The following EIF2AK2 variants were observed in gnomAD, a reference collection of about 807,000 sequenced individuals.
EIF2AK2 encodes the protein interferon-induced, double-stranded RNA-activated protein kinase.
A neutral mutation model predicts 70.5 loss-of-function variants in EIF2AK2; 40 were observed. The ratio of observed to expected loss-of-function variants is 0.57; its 90% CI spans 0.44 to 0.74. EIF2AK2 has a LOEUF of 0.74. EIF2AK2 is among the 30% of genes least tolerant of loss of function. The pLI is 0.00. For missense variants in EIF2AK2, 555 were observed against 644.3 expected (o/e 0.86, Z 1.50); for synonymous variants, 198 against 220.9 (o/e 0.90, Z 0.92).
chr2:37,119,328 G>A (rs1674452377), intron 13 of EIF2AK2, among the ~76,000 whole-genome samples: 1 of 152,138 alleles, frequency 6.6e-6, no homozygotes, highest in Admixed American at 6.6e-5. Context: ...CCCAGTAGCT[G>A]TGACAGCCCT....
rs1003116037 is a variant in EIF2AK2, at chr2:37,122,363, C to T, written c.1067+143G>A. Reference sequence around the variant, plus strand: ...GAGATTTTCACTTTCTCCTTACCTTCGGAATGGAGAGATAACAGTGTCTCT... The same window carrying T: ...GAGATTTTCACTTTCTCCTTACCTTTGGAATGGAGAGATAACAGTGTCTCT... On this transcript the variant is annotated intron_variant, in intron 12 of 16. Transcript: ENST00000233057. 9 of 933,632 alleles carry T rather than the reference C, an allele frequency of 9.6e-6. No homozygotes were observed. In the African/African-American group the frequency reaches 1.0e-4, roughly 11 times the overall value. The allele number at this position is 933,632 out of a possible 1,614,324, so 57.8% of individuals were successfully genotyped here. A position where few individuals can be genotyped will look rare whatever the true frequency, so the allele number is the denominator to read the frequency against.
rs375878396 is a variant in EIF2AK2, at chr2:37,135,437, A to G, written c.785+47T>C. On this transcript the variant is annotated intron_variant, in intron 10 of 16. Transcript: ENST00000233057. ...TCACAGACAACTACCAAAAACATCC[A>G]CCGACAGCATTACCCCTTCTTCTTT... 40 of 1,500,652 alleles carry G rather than the reference A, an allele frequency of 2.7e-5. No homozygotes were observed. The South Asian group carries it at 4.8e-4, about 18-fold the overall frequency. 93.0% of individuals were successfully genotyped at this position (1,500,652 alleles called of 1,614,324 possible).
chr2:37,126,475 C>G lies in EIF2AK2; in HGVS notation c.786-64G>C, dbSNP rs1674734905. The G allele has an allele frequency of 3.8e-6, 6 of 1,560,038 alleles. No homozygotes were observed. The Admixed American group carries it at 8.5e-5, about 22-fold the overall frequency. ...CTCAACCCCCACCCCCCCGCCTCCCCACTCCTTTCCCTTTAATGTCACTTG... is the reference window on the plus strand; with the variant it reads ...CTCAACCCCCACCCCCCCGCCTCCCGACTCCTTTCCCTTTAATGTCACTTG... On this transcript the variant is annotated intron_variant, in intron 10 of 16. Transcript: ENST00000233057.
intron 14 of EIF2AK2, among the ~76,000 whole-genome samples, chr2:37,112,108 G>C (rs1029874521): frequency 6.6e-6 from 1 of 151,720 alleles, no homozygotes; most frequent in Non-Finnish European, 1.5e-5. Context: ...GTTTAGTGAT[G>C]TATGCCACTG....
At chr2:37,142,931 T>C (rs916182874) in intron 4 of EIF2AK2, among the ~76,000 whole-genome samples, 2 of 152,100 alleles carry the variant, frequency 1.3e-5, no homozygotes, top group Non-Finnish European at 2.9e-5. Flanking sequence ...AGTACTTTCA[T>C]AAGAATCAAT....
intron 9 of EIF2AK2, chr2:37,136,729 T>G (rs986597763): frequency 3.8e-6 from 1 of 263,420 alleles, no homozygotes; most frequent in Non-Finnish European, 7.3e-6. Context: ...CTTGCCAGTC[T>G]TGTACAAAAT....
intron 13 of EIF2AK2, among the ~76,000 whole-genome samples, chr2:37,116,645 T>A (rs1674352156): frequency 6.6e-6 from 1 of 152,138 alleles, no homozygotes; most frequent in South Asian, 2.1e-4. Flanking sequence ...GGATTAGAAT[T>A]CAATTAACAG....
At chr2:37,138,236 G>C (rs1675196811) in intron 8 of EIF2AK2, 34 bp downstream of exon 8, 1 of 1,500,554 alleles carries the variant, frequency 6.7e-7, no homozygotes, top group African/African-American at 1.4e-5. Flanking sequence ...AGAAAAATAA[G>C]ATTAAGTAGG....
chr2:37,122,688 T>C (rs971636273), intron 11 of EIF2AK2, 24 bp from the exon 12 acceptor site: 2 of 1,613,974 alleles, frequency 1.2e-6, no homozygotes, highest in Non-Finnish European at 1.7e-6. Flanking sequence ...ACAGGGAACA[T>C]GGCAGTGTCA....
At chr2:37,121,579 T>C (rs1674552145) in intron 12 of EIF2AK2, among the ~76,000 whole-genome samples, 1 of 149,404 alleles carries the variant, frequency 6.7e-6, no homozygotes, top group African/African-American at 2.4e-5. Flanking sequence ...CTAAGAGAAG[T>C]GCCAACAAAT....
chr2:37,148,318 T>C (rs957168032), intron 2 of EIF2AK2, among the ~76,000 whole-genome samples: 12 of 152,272 alleles, frequency 7.9e-5, no homozygotes, highest in African/African-American at 2.9e-4. Context: ...GAATGTTTTA[T>C]GTTGAGAAGA....
At chr2:37,153,845 T>C (rs898598838) in intron 1 of EIF2AK2, among the ~76,000 whole-genome samples, 1 of 152,204 alleles carries the variant, frequency 6.6e-6, no homozygotes, top group Non-Finnish European at 1.5e-5. Context: ...GGTATATAAG[T>C]GGAATTGAAT....
chr2:37,150,067 T>C (rs746455577), intron 1 of EIF2AK2, among the ~76,000 whole-genome samples: 3 of 151,372 alleles, frequency 2.0e-5, no homozygotes, highest in Non-Finnish European at 4.4e-5. Context: ...AGGAGCTTAG[T>C]GAAGGCAAAC....
At chr2:37,152,232 T>A (rs1218485703) in intron 1 of EIF2AK2, among the ~76,000 whole-genome samples, 1 of 152,242 alleles carries the variant, frequency 6.6e-6, no homozygotes, top group Non-Finnish European at 1.5e-5. Flanking sequence ...TGTAAACCTC[T>A]TAATTCTTCT....
In EIF2AK2 at chr2:37,114,737, T is replaced by C. The variant is rs1437121052; in HGVS notation, c.1371A>G (p.Pro457=). The C allele has an allele frequency of 2.5e-6, 4 of 1,582,190 alleles. No homozygotes were observed. The African/African-American group carries it at 4.1e-5, about 16-fold the overall frequency. Reference sequence around the variant, plus strand: ...GACAGGAAAGAGACCTTACCTGTTCTGGGCTCATGTATCGCAAAGTTCCCT... The same window carrying C: ...GACAGGAAAGAGACCTTACCTGTTCCGGGCTCATGTATCGCAAAGTTCCCT... ...RSKGTLRYMS[P]EQISSQDYGK... The change falls in exon 14 of 17, where the codon CCA becomes CCG. Residue 457 remains proline (P), a synonymous_variant. Transcript: ENST00000233057.
In EIF2AK2 at chr2:37,138,769, C is replaced by T. The variant is rs1235547787; in HGVS notation, c.517-184G>A. Among the ~76,000 whole-genome samples the T allele has an allele frequency of 2.0e-5, 3 of 152,002 alleles. No homozygotes were observed. In the South Asian group the frequency reaches 6.2e-4, roughly 31 times the overall value. ...GGATTTTATTTTATTTTTTATTTTA[C>T]TTTTCTGGATCACAGGGCAGATATT... On this transcript the variant is annotated intron_variant, in intron 6 of 16. Transcript: ENST00000233057.
At chr2:37,141,523 A>C (rs1675330454) in intron 5 of EIF2AK2, 30 bp downstream of exon 5, 1 of 1,602,068 alleles carries the variant, frequency 6.2e-7, no homozygotes, top group East Asian at 2.2e-5. Flanking sequence ...AATACAATGA[A>C]ACAGAAAGAA....
chr2:37,123,977 C>CTTTTTTTT, intron 11 of EIF2AK2, among the ~76,000 whole-genome samples: 1 of 147,552 alleles, frequency 6.8e-6, no homozygotes, highest in Admixed American at 6.8e-5. Context: ...TAGATTCTTC[C>CTTTTTTTT]TTTTTTTTTT....
intron 1 of EIF2AK2, among the ~76,000 whole-genome samples, chr2:37,151,960 C>G (rs935014236): frequency 4.6e-5 from 7 of 152,132 alleles, no homozygotes; most frequent in Admixed American, 3.3e-4. Context: ...CAGCTACTCG[C>G]GAGGCTGAGG....
Sources: gnomAD v4.1 joint callset for allele counts (sites outside exome capture counted in the v4.1 genomes callset) on GRCh38, gnomAD v4.1.1 for gene constraint, MANE v1.5 for transcripts, NCBI Gene and HGNC (gene_info 2026-07-23, HGNC 2026-07-21) for gene names.